The following ANK2 variants were observed in gnomAD, a reference collection of about 807,000 sequenced individuals.
The protein encoded by ANK2 is ankyrin 2.
ANK2 carries 83 observed loss-of-function variants against 360.5 expected under a neutral mutation model. The ratio of observed to expected loss-of-function variants is 0.23; its 90% CI spans 0.19 to 0.28. The LOEUF (loss-of-function observed/expected upper bound fraction) is 0.28, where lower values mean the gene tolerates loss of function less well. Ranked by LOEUF, ANK2 falls within the 10% of genes least tolerant of loss-of-function variation. ANK2 has a pLI of 1.00. For missense variants in ANK2, 4,201 were observed against 4,795.7 expected (o/e 0.88, Z 3.66); for synonymous variants, 1,740 against 1,759.5 (o/e 0.99, Z 0.28).
intron 20 of ANK2, among the ~76,000 whole-genome samples, chr4:113,290,264 CTT>C (rs1428700934): frequency 6.6e-6 from 1 of 150,754 alleles, no homozygotes; most frequent in Non-Finnish European, 1.5e-5. Context: ...AAAGGACAGT[CTT>C]TTAATAAACT....
At chr4:112,736,652 G>C in the ANK2 span, among the ~76,000 whole-genome samples, 1 of 152,148 alleles carries the variant, frequency 6.6e-6, no homozygotes, top group South Asian at 2.1e-4. Flanking sequence ...TTTTTTGTTA[G>C]AGAGGAATTT....
At chr4:112,913,925 T>G (rs2088709179) in intron 2 of ANK2, among the ~76,000 whole-genome samples, 1 of 152,192 alleles carries the variant, frequency 6.6e-6, no homozygotes, top group Non-Finnish European at 1.5e-5. Flanking sequence ...ATATTCATCC[T>G]GTCTTTTTTT....
At chr4:112,958,287 A>G (rs1241276035) in intron 2 of ANK2, among the ~76,000 whole-genome samples, 1 of 152,166 alleles carries the variant, frequency 6.6e-6, no homozygotes, top group Non-Finnish European at 1.5e-5. Context: ...ACGCCATTGC[A>G]CTCCAGCCTG....
chr4:113,201,244 C>G (rs548627628), intron 4 of ANK2, among the ~76,000 whole-genome samples: 50 of 152,138 alleles, frequency 3.3e-4, no homozygotes, highest in African/African-American at 1.2e-3. Flanking sequence ...TTGCTTTAGA[C>G]AGAGGTTTTC....
At chr4:113,078,636 T>G (rs2154345525) in intron 1 of ANK2, among the ~76,000 whole-genome samples, 1 of 152,320 alleles carries the variant, frequency 6.6e-6, no homozygotes, top group South Asian at 2.1e-4. Flanking sequence ...ATGAGGAGAC[T>G]GAGGTTAGGA....
chr4:112,765,036 A>C, the ANK2 span, among the ~76,000 whole-genome samples: 1 of 152,188 alleles, frequency 6.6e-6, no homozygotes, highest in Non-Finnish European at 1.5e-5. Flanking sequence ...CACTTTATAA[A>C]TATTAACTCA....
At chr4:112,981,582 G>A (rs1448638599) in intron 2 of ANK2, among the ~76,000 whole-genome samples, 1 of 152,232 alleles carries the variant, frequency 6.6e-6, no homozygotes, top group Non-Finnish European at 1.5e-5. Flanking sequence ...CGAGTAGGGT[G>A]ATGGTTCTTT....
intron 24 of ANK2, among the ~76,000 whole-genome samples, chr4:113,315,824 G>A (rs548635821): frequency 6.6e-6 from 1 of 150,958 alleles, no homozygotes; most frequent in East Asian, 2.0e-4. Flanking sequence ...GTGAACCTGG[G>A]AGGCGGAGCT....
intron 2 of ANK2, among the ~76,000 whole-genome samples, chr4:113,188,967 G>A (rs2098601025): frequency 6.6e-6 from 1 of 152,102 alleles, no homozygotes; most frequent in African/African-American, 2.4e-5. Context: ...CCCATTTATT[G>A]TACAAACATT....
chr4:113,270,878 G>A (rs1416915574), intron 14 of ANK2, among the ~76,000 whole-genome samples: 1 of 152,150 alleles, frequency 6.6e-6, no homozygotes, highest in African/African-American at 2.4e-5. Context: ...CTTTCACCAT[G>A]TGTGTTTTAT....
chr4:112,884,698 G>T (rs762811342), intron 1 of ANK2, among the ~76,000 whole-genome samples: 2 of 152,060 alleles, frequency 1.3e-5, no homozygotes, highest in Non-Finnish European at 2.9e-5. Flanking sequence ...GAAACACAGT[G>T]TGTTCACATT....
At chr4:113,220,301 G>A (rs3025751) in intron 4 of ANK2, among the ~76,000 whole-genome samples, 4,247 of 152,250 alleles carry the variant, frequency 0.028, 96 homozygotes, top group East Asian at 0.067. Context: ...CTGGGCCTAG[G>A]AGATAAGGAG....
rs184393937 is a variant in ANK2 at position 113,308,750 on chromosome 4, G to A, written c.2549-2505G>A. ...GAAGGTCTAAGAGTTTGGGAAAGAA[G>A]CTACCATATTTCAGAGATGGCAGAA... is the stretch of plus-strand genomic sequence containing the variant. On this transcript the variant is annotated intron_variant, in intron 23 of 45. Coordinates refer to ENST00000357077, the MANE Select transcript of ANK2 (RefSeq NM_001148.6). Among the ~76,000 whole-genome samples, 181 of 152,296 alleles carry A rather than the reference G, an allele frequency of 1.2e-3. 1 individual carries two copies. Among genetic ancestry groups the A allele is most frequent in the African/African-American group, 3.8e-3 (159 of 41,558 alleles).
At chr4:112,937,902 T>C (rs1044253226) in intron 2 of ANK2, among the ~76,000 whole-genome samples, 3 of 152,222 alleles carry the variant, frequency 2.0e-5, no homozygotes, top group African/African-American at 7.2e-5. Context: ...AGTTATTCCA[T>C]CTTTTTATAA....
chr4:112,791,655 A>G, the ANK2 span, among the ~76,000 whole-genome samples: 5 of 150,390 alleles, frequency 3.3e-5, no homozygotes, highest in African/African-American at 1.2e-4. Context: ...CGCCCAGTTA[A>G]TTTTTTTTTG....
At chr4:112,873,788 T>G (rs1053867408) in intron 1 of ANK2, among the ~76,000 whole-genome samples, 1 of 151,838 alleles carries the variant, frequency 6.6e-6, no homozygotes, top group Non-Finnish European at 1.5e-5. Flanking sequence ...GTGATCCGCC[T>G]GCCTCAGCCT....
intron 2 of ANK2, among the ~76,000 whole-genome samples, chr4:113,190,326 T>C (rs549556680): frequency 4.7e-4 from 71 of 152,120 alleles, no homozygotes; most frequent in Admixed American, 1.0e-3. Flanking sequence ...CCAAGGCTGG[T>C]CTTGAACTGC....
the ANK2 span, among the ~76,000 whole-genome samples, chr4:112,785,734 T>G: frequency 6.6e-6 from 1 of 151,792 alleles, no homozygotes; most frequent in Non-Finnish European, 1.5e-5. Context: ...GTGGGCGCGA[T>G]CATAGCTCAC....
At chr4:112,804,832 C>T in the ANK2 span, among the ~76,000 whole-genome samples, 2 of 151,754 alleles carry the variant, frequency 1.3e-5, no homozygotes, top group East Asian at 1.9e-4. Flanking sequence ...TGGTGGCACA[C>T]GCACCTGTAA....
Sources: gnomAD v4.1 joint callset for allele counts (sites outside exome capture counted in the v4.1 genomes callset) on GRCh38, gnomAD v4.1.1 for gene constraint, MANE v1.5 for transcripts, NCBI Gene and HGNC (gene_info 2026-07-23, HGNC 2026-07-21) for gene names.